Variants in TBL1XR1 observed in about 807,000 individuals in gnomAD.
TBL1XR1 encodes F-box-like/WD repeat-containing protein TBL1XR1.
TBL1XR1 carries 5 observed loss-of-function variants against 66.9 expected under a neutral mutation model. That is an observed-to-expected ratio of 0.07 (90% CI 0.04 to 0.16). The LOEUF is 0.16. Ranked by LOEUF, TBL1XR1 falls within the 10% of genes least tolerant of loss-of-function variation. TBL1XR1 has a pLI of 1.00. For synonymous variants in TBL1XR1, 210 were observed against 206.0 expected, an observed-to-expected ratio of 1.02 and a Z score of -0.17; for missense variants, 238 against 623.2, an observed-to-expected ratio of 0.38 and a Z score of 6.58.
intron 1 of TBL1XR1, among the ~76,000 whole-genome samples, chr3:177,187,271 G>C (rs1382264640): frequency 1.3e-5 from 2 of 151,734 alleles, no homozygotes; most frequent in East Asian, 3.9e-4. Context: ...GCGGGCGCCT[G>C]CAATCCCAGC....
intron 7 of TBL1XR1, chr3:177,048,004 TGTGG>T (rs1209100005): frequency 6.3e-6 from 1 of 158,576 alleles, no homozygotes; most frequent in African/African-American, 2.4e-5. Flanking sequence ...AAACGAAGTG[TGTGG>T]GTATGATCCA....
At chr3:177,129,988 TACA>T (rs1398403688) in intron 1 of TBL1XR1, among the ~76,000 whole-genome samples, 1 of 151,684 alleles carries the variant, frequency 6.6e-6, no homozygotes, top group Non-Finnish European at 1.5e-5. Context: ...GTACTAAAAA[TACA>T]ACAATTAGCT....
intron 1 of TBL1XR1, among the ~76,000 whole-genome samples, chr3:177,151,678 A>T (rs1730907161): frequency 6.6e-6 from 1 of 152,204 alleles, no homozygotes; most frequent in Non-Finnish European, 1.5e-5. Flanking sequence ...AGAACACCTG[A>T]GGCATATGCT....
chr3:177,185,308 G>A (rs1024896305), intron 1 of TBL1XR1, among the ~76,000 whole-genome samples: 1 of 152,062 alleles, frequency 6.6e-6, no homozygotes, highest in Non-Finnish European at 1.5e-5. Flanking sequence ...TACCCCTTAA[G>A]TTAAAATAGC....
rs1177520318 is a variant in TBL1XR1, at chr3:177,046,240, A to T, written c.865-51T>A. On this transcript the variant is annotated intron_variant, in intron 9 of 15. Transcript: ENST00000457928. Reference sequence around the variant, plus strand: ...AAACTCATGGAAAGAAGTTTAACATACATGTGTAAAGTATATGCCTAACTG... The same window carrying T: ...AAACTCATGGAAAGAAGTTTAACATTCATGTGTAAAGTATATGCCTAACTG... 12 of 1,370,178 alleles carry T rather than the reference A, an allele frequency of 8.8e-6. No individual in the cohort carries two copies. The South Asian group carries it at 1.1e-4, about 12-fold the overall frequency. 84.9% of individuals were successfully genotyped at this position (1,370,178 alleles called of 1,614,324 possible).
chr3:177,030,789 T>C (rs778045884), intron 14 of TBL1XR1, among the ~76,000 whole-genome samples: 40 of 152,246 alleles, frequency 2.6e-4, no homozygotes, highest in Non-Finnish European at 4.6e-4. Flanking sequence ...TTTCATCAAC[T>C]CTGTAACTGT....
intron 2 of TBL1XR1, among the ~76,000 whole-genome samples, chr3:177,094,858 C>G (rs566602005): frequency 2.6e-5 from 4 of 152,114 alleles, no homozygotes; most frequent in African/African-American, 9.6e-5. Context: ...AGACTACACA[C>G]TGGGTACAGT....
In TBL1XR1 at chr3:177,019,976, G is replaced by A. The variant is rs1294354915; in HGVS notation, c.*5522C>T. 1 of 138,122 alleles carries A rather than the reference G, an allele frequency of 7.2e-6. No homozygotes were observed. Among genetic ancestry groups the A allele is most frequent in the Admixed American group, 7.8e-5 (1 of 12,882 alleles). The allele number at this position is 138,122 out of a possible 1,614,324, so 8.6% of individuals were successfully genotyped here. The stretch of plus-strand genomic sequence containing the variant: ...AGGAAAAATAGAAGACCTAGAGAGT[G>A]TAAATTCTTAAAAAAAAAAAAAAGA... On this transcript the variant is annotated 3_prime_UTR_variant, in exon 16 of 16. Coordinates refer to ENST00000457928, the MANE Select transcript of TBL1XR1 (RefSeq NM_024665.7).
At chr3:177,076,391 CTCT>C (rs1252914231) in intron 2 of TBL1XR1, among the ~76,000 whole-genome samples, 8 of 152,100 alleles carry the variant, frequency 5.3e-5, no homozygotes, top group Non-Finnish European at 1.0e-4. Flanking sequence ...CCCAAATTTT[CTCT>C]TTTTTATAAG....
chr3:177,186,010 CAAATAAAT>C (rs746192160), intron 1 of TBL1XR1, among the ~76,000 whole-genome samples: 2 of 151,898 alleles, frequency 1.3e-5, no homozygotes, highest in Non-Finnish European at 2.9e-5. Context: ...GACCCTGCCT[CAAATAAAT>C]AAATAAATAA....
In TBL1XR1 at chr3:177,033,086, C is replaced by T. The variant is rs1372547105; in HGVS notation, c.1301G>A (p.Cys434Tyr). ...TTGGTGTTTTGTCAAGGTATGGATGCATATCCCTCGGTCTACATCCCATAA... is the reference window on the plus strand; with the variant it reads ...TTGGTGTTTTGTCAAGGTATGGATGTATATCCCTCGGTCTACATCCCATAA... ...VRLWDVDRGI[C>Y]IHTLTKHQEP... is the part of the protein sequence containing the mutation. The change falls in exon 14 of 16, where the codon TGC becomes TAC. Residue 434 changes from cysteine (C) to tyrosine (Y), a missense_variant. Physicochemically the swap from Cys to Tyr is radical, Grantham distance 194. Around this residue, in one of 8 missense-constraint regions of TBL1XR1, gnomAD observed 89 missense variants for 220.2 expected, o/e 0.40. Coordinates refer to ENST00000457928, the MANE Select transcript of TBL1XR1 (RefSeq NM_024665.7). 1 of 1,604,606 alleles carries T rather than the reference C, an allele frequency of 6.2e-7. No homozygotes were observed. The highest frequency in any genetic ancestry group is 8.5e-7 in the Non-Finnish European group (1 of 1,174,156).
chr3:177,133,928 G>A (rs917785532), intron 1 of TBL1XR1, among the ~76,000 whole-genome samples: 60 of 147,166 alleles, frequency 4.1e-4, no homozygotes, highest in Admixed American at 1.9e-3. Context: ...TATATTGGAC[G>A]TCTGTTGTTT....
intron 1 of TBL1XR1, among the ~76,000 whole-genome samples, chr3:177,179,333 G>A (rs1479652222): frequency 6.6e-6 from 1 of 152,082 alleles, no homozygotes; most frequent in Admixed American, 6.5e-5. Flanking sequence ...GAATATGCTG[G>A]GGAAAATCAC....
intron 1 of TBL1XR1, among the ~76,000 whole-genome samples, chr3:177,166,909 T>C (rs1361560715): frequency 2.0e-5 from 3 of 152,208 alleles, no homozygotes; most frequent in African/African-American, 7.2e-5. Flanking sequence ...AATCACAAAA[T>C]GGTACCGCCA....
chr3:177,096,453 C>T (rs150605240), intron 2 of TBL1XR1, among the ~76,000 whole-genome samples: 50 of 152,010 alleles, frequency 3.3e-4, no homozygotes, highest in African/African-American at 9.2e-4. Flanking sequence ...AGTCTATGAG[C>T]GGTTATAAAA....
At position 177,106,707 on chromosome 3, in the gene TBL1XR1, G is replaced by A. The variant is rs1195514946; in HGVS notation, c.-121-8166C>T. On this transcript the variant is annotated intron_variant, in intron 1 of 15. Transcript: ENST00000457928. ...GCATATTAAATAACAGAAATAAATT[G>A]TTATAAAGGAAGCTCCTTCCTCTGT... Among the ~76,000 whole-genome samples, 3 of 152,134 alleles carry A rather than the reference G, an allele frequency of 2.0e-5. No individual in the cohort carries two copies. The South Asian group carries it at 6.2e-4, about 31-fold the overall frequency.
At chr3:177,038,891 T>C (rs1201717674) in intron 10 of TBL1XR1, among the ~76,000 whole-genome samples, 3 of 152,170 alleles carry the variant, frequency 2.0e-5, no homozygotes, top group African/African-American at 7.2e-5. Flanking sequence ...AAGGGTAACA[T>C]GCAAGTGTTA....
chr3:177,157,235 C>G (rs1384140758), intron 1 of TBL1XR1, among the ~76,000 whole-genome samples: 1 of 152,084 alleles, frequency 6.6e-6, no homozygotes, highest in African/African-American at 2.4e-5. Flanking sequence ...AAAAAATTTC[C>G]TCTCCGGAGG....
At chr3:177,087,635 T>G (rs923074148) in intron 2 of TBL1XR1, among the ~76,000 whole-genome samples, 4 of 152,024 alleles carry the variant, frequency 2.6e-5, no homozygotes, top group African/African-American at 9.7e-5. Context: ...TGTATGAAAC[T>G]AGAAGTTCCT....
Sources: gnomAD v4.1 joint callset for allele counts (sites outside exome capture counted in the v4.1 genomes callset) on GRCh38, gnomAD v4.1.1 for gene constraint, gnomAD v4.1.1 regional missense constraint, MANE v1.5 for transcripts, NCBI Gene and HGNC (gene_info 2026-07-23, HGNC 2026-07-21) for gene names.